The following SPACA6 variants were observed in gnomAD, a reference collection of about 807,000 sequenced individuals.
The protein encoded by SPACA6 is sperm acrosome membrane-associated protein 6.
For synonymous variants in SPACA6, 6 were observed against 1.5 expected, an observed-to-expected ratio of 4.05 and a Z score of -2.21; for missense variants, 8 against 2.8, an observed-to-expected ratio of 2.88 and a Z score of -1.34.
At chr19:51,696,698 C>G (rs2083433406) in intron 2 of SPACA6, among the ~76,000 whole-genome samples, 1 of 152,120 alleles carries the variant, frequency 6.6e-6, no homozygotes. Flanking sequence ...ATCTTCCCAC[C>G]TCAGCCTCCC....
chr19:51,695,447 TC>T (rs2083422816), intron 2 of SPACA6, among the ~76,000 whole-genome samples: 1 of 152,202 alleles, frequency 6.6e-6, no homozygotes, highest in African/African-American at 2.4e-5. Flanking sequence ...CAGGGCTTAT[TC>T]CCACACCCAC....
upstream of SPACA6, chr19:51,686,508 T>C (rs1035794529): frequency 1.3e-5 from 2 of 152,184 alleles, no homozygotes; most frequent in Admixed American, 1.3e-4. Context: ...TGACAGTAAC[T>C]CTAGATCGTA....
upstream of SPACA6, among the ~76,000 whole-genome samples, chr19:51,689,817 C>G (rs2083354066): frequency 6.7e-6 from 1 of 149,950 alleles, no homozygotes; most frequent in African/African-American, 2.5e-5. Flanking sequence ...AGAGGGAGGA[C>G]AGAGATGGGG....
At position 51,703,794 on chromosome 19, in the gene SPACA6, T is replaced by C. The variant is rs2083489536; in HGVS notation, c.574-236T>C. On this transcript the variant is annotated intron_variant, in intron 6 of 8. Transcript: ENST00000637797. The surrounding 1 kb of genome is among the most constrained non-coding windows in gnomAD (Gnocchi z 4.2). The stretch of plus-strand genomic sequence containing the variant: ...GCCTGGGCGCCAGAACGAGACCCTG[T>C]CTGGAAGAAAAAAAAAATACATAAA... Among the ~76,000 whole-genome samples the C allele has an allele frequency of 2.0e-5, 3 of 150,422 alleles. No homozygotes were observed. The highest frequency in any genetic ancestry group is 3.9e-4 in the East Asian group (2 of 5,146).
At chr19:51,692,893 G>A (rs200071119), upstream of SPACA6, 83 of 532,804 alleles carry the variant, frequency 1.6e-4, no homozygotes, top group Non-Finnish European at 2.5e-4. This position sits in a 1 kb window ranked among gnomAD's most constrained non-coding sequence, Gnocchi z 5.6. Context: ...GGGGCCCGGC[G>A]GGGACCCCCA....
chr19:51,704,810 T>A, intron 8 of SPACA6: 1 of 266,902 alleles, frequency 3.7e-6, no homozygotes. Flanking sequence ...AAGTCCCCAG[T>A]CCCCTCCTCC....
downstream of SPACA6, among the ~76,000 whole-genome samples, chr19:51,705,858 G>A (rs139167752): frequency 0.011 from 1,740 of 151,946 alleles, 33 homozygotes; most frequent in African/African-American, 0.039. Flanking sequence ...CACCACACCC[G>A]GCTAATTTTT....
chr19:51,686,290 T>C, upstream of SPACA6: 1 of 152,280 alleles, frequency 6.6e-6, no homozygotes. Flanking sequence ...TAGCAAACAT[T>C]TTCCTGAGCC....
At position 51,704,328 on chromosome 19, in the gene SPACA6, G is replaced by A. The variant is rs113885698; in HGVS notation, c.789G>A (p.Leu263=). Residue 263 remains leucine, a synonymous_variant, in exon 8 of 9, where the codon CTG becomes CTA. Transcript: ENST00000637797. Reference sequence around the variant, plus strand: ...TGCAGGCCTCGTTCCGGGAAGTGCTGCGCTGGGCGCCGCGGGATGCCGAGC... The same window carrying A: ...TGCAGGCCTCGTTCCGGGAAGTGCTACGCTGGGCGCCGCGGGATGCCGAGC... The part of the protein sequence containing the change: ...TELQASFREV[L]RWAPRDAELI... 8 of 400,718 alleles carry A rather than the reference G, an allele frequency of 2.0e-5. No homozygotes were observed. The highest frequency in any genetic ancestry group is 8.2e-5 in the African/African-American group (4 of 48,666). The allele number at this position is 400,718 out of a possible 1,614,324, so 24.8% of individuals were successfully genotyped here. A position where few individuals can be genotyped will look rare whatever the true frequency, so the allele number is the denominator to read the frequency against.
upstream of SPACA6, among the ~76,000 whole-genome samples, chr19:51,691,338 TG>T (rs1387507312): frequency 8.1e-6 from 1 of 123,300 alleles, no homozygotes; most frequent in Non-Finnish European, 1.7e-5. Context: ...AGGTGAGGGA[TG>T]GAGAGAGGGA....
rs1027407753 is a variant in SPACA6 at position 51,703,529 on chromosome 19, G to A, written c.573+192G>A. Reference sequence around the variant, plus strand: ...GCAGGACCAAGGACCTGGGGCGATGGCTCACGCCTGTAATCCCAGCGCTTT... The same window carrying A: ...GCAGGACCAAGGACCTGGGGCGATGACTCACGCCTGTAATCCCAGCGCTTT... On this transcript the variant is annotated intron_variant, in intron 6 of 8. Coordinates refer to ENST00000637797, the MANE Select transcript of SPACA6 (RefSeq NM_001316972.2). This position sits in a 1 kb window ranked among gnomAD's most constrained non-coding sequence, Gnocchi z 4.2. Among the ~76,000 whole-genome samples the A allele has an allele frequency of 1.3e-5, 2 of 152,190 alleles. No homozygotes were observed. The highest frequency in any genetic ancestry group is 2.4e-5 in the African/African-American group (1 of 41,456).
chr19:51,694,406 A>T (rs2083408015), intron 1 of SPACA6, 72 bp from the exon 2 acceptor site: 1 of 398,048 alleles, frequency 2.5e-6, no homozygotes, highest in Admixed American at 4.4e-5. Flanking sequence ...TCAGAAACAG[A>T]ATGTTCGCAT....
At chr19:51,711,962 A>G (rs2083543301) in intron 2 of SPACA6, 1 of 152,150 alleles carries the variant, frequency 6.6e-6, no homozygotes, top group Non-Finnish European at 1.5e-5. Flanking sequence ...CTAAAATTAG[A>G]TTATGGTGGT....
chr19:51,705,133 C>G lies in SPACA6; in HGVS notation c.*10C>G, dbSNP rs1359506482. On this transcript the variant is annotated 3_prime_UTR_variant, in exon 9 of 9. Coordinates refer to ENST00000637797, the MANE Select transcript of SPACA6 (RefSeq NM_001316972.2). ...CTGCAGTGGCAACTAACAAAGGTAT[C>G]TTTCCTCCTTCCCTATCCTATTTCC... is the stretch of plus-strand genomic sequence containing the variant. The G allele has an allele frequency of 1.5e-5, 6 of 401,232 alleles. No homozygotes were observed. The highest frequency in any genetic ancestry group is 4.1e-5 in the African/African-American group (2 of 48,706). The allele number at this position is 401,232 out of a possible 1,614,324, so 24.9% of individuals were successfully genotyped here.
chr19:51,695,748 C>T (rs957391982), intron 2 of SPACA6, among the ~76,000 whole-genome samples: 1 of 152,194 alleles, frequency 6.6e-6, no homozygotes, highest in Non-Finnish European at 1.5e-5. Context: ...TTCTGTGGGG[C>T]CGCATGGGGG....
rs1001001395 is a variant in SPACA6 at position 51,703,038 on chromosome 19, C to T, written c.403C>T (p.Arg135Trp). 7.5e-6 allele frequency: 3 copies of T among 399,138 alleles called. No homozygotes were observed. Among genetic ancestry groups the T allele is most frequent in the Non-Finnish European group, 1.3e-5 (3 of 226,198 alleles). 24.7% of individuals were successfully genotyped at this position (399,138 alleles called of 1,614,324 possible). A position where few individuals can be genotyped will look rare whatever the true frequency, so the allele number is the denominator to read the frequency against. ...CTCCACAGGTCTCCAGGAGTTCGCC[C>T]GGCGTTTCCTCTGCAGCGGGTGCTA... ...IPPCGLQEFA[R>W]RFLCSGCYSR... The change falls in exon 5 of 9, where the codon CGG (arginine) becomes TGG (tryptophan). Residue 135 changes from arginine to tryptophan, a missense_variant. Arg to Trp is a moderately radical substitution (Grantham distance 101). Coordinates refer to ENST00000637797, the MANE Select transcript of SPACA6 (RefSeq NM_001316972.2). This position sits in a 1 kb window ranked among gnomAD's most constrained non-coding sequence, Gnocchi z 4.2.
chr19:51,703,139 GA>G lies in SPACA6; in HGVS notation c.463+45del. ...CTCGGGGTGCAGGAGGCCAACCTGA[GA>G]AAAGGGACCAGAGCACCGAGGGGCA... On this transcript the variant is annotated intron_variant, in intron 5 of 8. Coordinates refer to ENST00000637797, the MANE Select transcript of SPACA6 (RefSeq NM_001316972.2). The surrounding 1 kb of genome is among the most constrained non-coding windows in gnomAD (Gnocchi z 4.2). The G allele has an allele frequency of 2.5e-6, 1 of 399,808 alleles. No homozygotes were observed. Among genetic ancestry groups the G allele is most frequent in the Non-Finnish European group, 4.4e-6 (1 of 226,566 alleles). 24.8% of individuals were successfully genotyped at this position (399,808 alleles called of 1,614,324 possible).
chr19:51,683,530 C>G, the SPACA6 span, among the ~76,000 whole-genome samples: 1 of 151,424 alleles, frequency 6.6e-6, no homozygotes, highest in African/African-American at 2.4e-5. Flanking sequence ...ATCAAGGTAA[C>G]CAAAGAAAAA....
Position 51,704,367 on chromosome 19 carries a change from G to C in SPACA6, c.828G>C (p.Trp276Cys). Residue 276 changes from tryptophan (W) to cysteine (C), a missense_variant, in exon 8 of 9, where the codon TGG (tryptophan) becomes TGC (cysteine). Trp to Cys is a radical substitution (Grantham distance 215). Transcript: ENST00000637797. ...GGGATGCCGAGCTGATCGAGCCCTG[G>C]AGGCCCAGCCTGGGCGAGCTGCTGG... The part of the protein sequence containing the change: ...APRDAELIEP[W>C]RPSLGELLAR... 1 of 401,092 alleles carries C rather than the reference G, an allele frequency of 2.5e-6. No homozygotes were observed. 24.8% of individuals were successfully genotyped at this position (401,092 alleles called of 1,614,324 possible). A position where few individuals can be genotyped will look rare whatever the true frequency, so the allele number is the denominator to read the frequency against.
Sources: allele counts gnomAD v4.1 joint callset (sites outside exome capture counted in the v4.1 genomes callset), GRCh38; gene constraint gnomAD v4.1.1; non-coding constraint Gnocchi (gnomAD v3.1); transcripts MANE v1.5; gene names NCBI Gene and HGNC (gene_info 2026-07-23, HGNC 2026-07-21).